The following CIMIP2A variants were observed in gnomAD, a reference collection of about 807,000 sequenced individuals.
CIMIP2A encodes family with sequence similarity 166 member A.
At chr9:137,245,459 T>G in the CIMIP2A span, 1 of 1,613,858 alleles carries the variant, frequency 6.2e-7, no homozygotes, top group Non-Finnish European at 8.5e-7. Flanking sequence ...GGCAGCAGAA[T>G]CTGTCTGGGT....
chr9:137,251,554 G>A, the CIMIP2A span, among the ~76,000 whole-genome samples: 1 of 151,708 alleles, frequency 6.6e-6, no homozygotes, highest in Non-Finnish European at 1.5e-5. Flanking sequence ...GCCAGGGGCT[G>A]AGGGACAGTA....
chr9:137,244,523 G>C, the CIMIP2A span: 157 of 1,517,604 alleles, frequency 1.0e-4, no homozygotes, highest in Non-Finnish European at 1.2e-4. Context: ...GCCAGGCAGA[G>C]CCCCCTCCTC....
the CIMIP2A span, chr9:137,244,309 T>A: frequency 2.0e-5 from 33 of 1,612,980 alleles, no homozygotes; most frequent in Non-Finnish European, 2.8e-5. Flanking sequence ...AGGAAGGTGC[T>A]AACAAGCTCC....
the CIMIP2A span, chr9:137,247,542 C>A: frequency 1.1e-6 from 1 of 947,506 alleles, no homozygotes; most frequent in African/African-American, 1.6e-5. Context: ...GTGTGGCCTT[C>A]AGTTTCCTGG....
chr9:137,252,894 G>C, the CIMIP2A span: 7 of 1,596,092 alleles, frequency 4.4e-6, no homozygotes, highest in Non-Finnish European at 6.0e-6. Context: ...CCTGGGAGCC[G>C]CCTGCAGAGC....
the CIMIP2A span, chr9:137,244,598 TGTG>T: frequency 6.2e-7 from 1 of 1,604,966 alleles, no homozygotes. Context: ...GGAGAGGAAG[TGTG>T]TGTGTGAGCT....
the CIMIP2A span, chr9:137,245,410 G>A: frequency 1.9e-5 from 31 of 1,613,672 alleles, no homozygotes; most frequent in African/African-American, 2.7e-5. Context: ...CCTGCCTGGT[G>A]GGCACGGAGG....
chr9:137,252,843 C>A, the CIMIP2A span: 1 of 1,574,924 alleles, frequency 6.3e-7, no homozygotes, highest in Non-Finnish European at 8.6e-7. Flanking sequence ...TTGCAGGCAC[C>A]TGGCAAGAGA....
the CIMIP2A span, chr9:137,247,583 T>G: frequency 7.2e-7 from 1 of 1,396,216 alleles, no homozygotes; most frequent in Non-Finnish European, 1.0e-6. Context: ...ACAGCTGGCC[T>G]CCATGCCTCA....
At chr9:137,251,751 G>C in the CIMIP2A span, 1 of 1,572,712 alleles carries the variant, frequency 6.4e-7, no homozygotes, top group African/African-American at 1.4e-5. Context: ...CAAGGCATCT[G>C]TGCTGTTGTT....
the CIMIP2A span, chr9:137,251,628 A>C: frequency 7.6e-7 from 1 of 1,319,086 alleles, no homozygotes; most frequent in Non-Finnish European, 1.0e-6. Context: ...GCTGTGGGGC[A>C]CGTGGCTGGG....
chr9:137,252,368 C>T, the CIMIP2A span: 4 of 1,505,348 alleles, frequency 2.7e-6, no homozygotes, highest in South Asian at 3.5e-5. Context: ...AACCGGGAGA[C>T]AGGTTCGAGT....
the CIMIP2A span, chr9:137,244,568 T>C: frequency 6.3e-7 from 1 of 1,583,864 alleles, no homozygotes; most frequent in South Asian, 1.1e-5. Context: ...CAAGGCACCC[T>C]CCAGGGAAGC....
At chr9:137,243,868 G>C in the CIMIP2A span, 1 of 1,474,008 alleles carries the variant, frequency 6.8e-7, no homozygotes, top group South Asian at 1.1e-5. Context: ...CTTCAGAGAA[G>C]TGTGGGGCTG....
the CIMIP2A span, chr9:137,247,788 T>C: frequency 1.4e-6 from 2 of 1,470,014 alleles, no homozygotes; most frequent in Non-Finnish European, 1.9e-6. Context: ...GGGAGTCCTG[T>C]CACCGGGCAA....
chr9:137,251,275 C>A, the CIMIP2A span: 1 of 1,576,970 alleles, frequency 6.3e-7, no homozygotes, highest in Non-Finnish European at 8.7e-7. Context: ...GGAAGAGAGC[C>A]AGGAGACTCT....
chr9:137,251,211 C>T, the CIMIP2A span: 1 of 1,051,560 alleles, frequency 9.5e-7, no homozygotes, highest in Non-Finnish European at 1.5e-6. Context: ...CCTCAGGAGT[C>T]CCAGCAACAG....
chr9:137,245,917 C>T, the CIMIP2A span: 10 of 1,322,054 alleles, frequency 7.6e-6, no homozygotes, highest in Non-Finnish European at 9.0e-6. Flanking sequence ...GGGCAGGGCC[C>T]CTTCAAGCCA....
the CIMIP2A span, among the ~76,000 whole-genome samples, chr9:137,248,542 CAAAAAA>C: frequency 2.7e-5 from 3 of 109,494 alleles, no homozygotes; most frequent in African/African-American, 3.5e-5. Flanking sequence ...GACTCTGTCT[CAAAAAA>C]AAAAAAAAAA....
Sources: allele counts gnomAD v4.1 joint callset (sites outside exome capture counted in the v4.1 genomes callset), GRCh38; gene constraint gnomAD v4.1.1; transcripts MANE v1.5; gene names NCBI Gene and HGNC (gene_info 2026-07-23, HGNC 2026-07-21).